Variants in BAP1 observed in about 807,000 individuals in gnomAD.
BAP1 encodes the protein BRCA1 associated deubiquitinase 1.
A neutral mutation model predicts 77.2 loss-of-function variants in BAP1; 16 were observed. The observed-to-expected ratio is 0.21, with a 90% confidence interval of 0.14 to 0.31. The LOEUF (loss-of-function observed/expected upper bound fraction) is 0.31. BAP1 is among the 10% of genes least tolerant of loss of function. BAP1 has a pLI of 1.00. For synonymous variants in BAP1, 362 were observed against 385.2 expected (o/e 0.94, Z 0.71); for missense variants, 699 against 967.3 (o/e 0.72, Z 3.68).
Position 52,402,978 on chromosome 3 carries a change from A to C in BAP1, c.1891-107T>G. The C allele has an allele frequency of 6.2e-7, 1 of 1,601,342 alleles. No homozygotes were observed. ...ATGAGCAGCGAGTCCATGCCTATCA[A>C]GGCCCCTGCCACCACCCAACCCAGA... On this transcript the variant is annotated intron_variant, in intron 14 of 16. Coordinates refer to ENST00000460680, the MANE Select transcript of BAP1 (RefSeq NM_004656.4). The surrounding 1 kb of genome is among the most constrained non-coding windows in gnomAD (Gnocchi z 5.3).
chr3:52,409,493 T>C (rs1329613195), intron 3 of BAP1, 61 bp downstream of exon 3: 1 of 1,604,470 alleles, frequency 6.2e-7, no homozygotes, highest in Non-Finnish European at 8.5e-7. Flanking sequence ...GGGGCCCTGT[T>C]CTCTGGGACC....
chr3:52,406,863 C>T lies in BAP1; in HGVS notation c.625G>A (p.Val209Ile), dbSNP rs1295632035. The T allele has an allele frequency of 6.4e-7, 1 of 1,566,016 alleles. No homozygotes were observed. The highest frequency in any genetic ancestry group is 8.7e-7 in the Non-Finnish European group (1 of 1,154,540). Residue 209 changes from valine to isoleucine, a missense_variant, in exon 8 of 17, where the codon GTC (valine) becomes ATC (isoleucine). Val to Ile is a conservative substitution (Grantham distance 29). Coordinates refer to ENST00000460680, the MANE Select transcript of BAP1 (RefSeq NM_004656.4). The surrounding 1 kb of genome is among the most constrained non-coding windows in gnomAD (Gnocchi z 4.6). ...DEEWTDKARR[V>I]IMERIGLATA... Reference sequence around the variant, plus strand: ...GCGAGGCCGATACGCTCCATGATGACCCGCCGGGCCTTGTCTGTCCACTCC... The same window carrying T: ...GCGAGGCCGATACGCTCCATGATGATCCGCCGGGCCTTGTCTGTCCACTCC...
intron 11 of BAP1, 130 bp from the exon 12 acceptor site, chr3:52,404,716 T>C (rs755307860): frequency 1.5e-6 from 2 of 1,364,818 alleles, no homozygotes; most frequent in South Asian, 1.3e-5. Flanking sequence ...AGCTGTTCCA[T>C]GGCCTGTCCT....
intron 12 of BAP1, 59 bp downstream of exon 12, chr3:52,404,394 A>T: frequency 6.2e-7 from 1 of 1,612,726 alleles, no homozygotes; most frequent in Non-Finnish European, 8.5e-7. Flanking sequence ...ACAGACTGAG[A>T]TATTCAGGAT....
rs944295907 is a variant in BAP1 at position 52,401,072 on chromosome 3, G to A, written c.*1216C>T. The A allele has an allele frequency of 2.2e-5, 5 of 232,392 alleles. No homozygotes were observed. Among genetic ancestry groups the A allele is most frequent in the Non-Finnish European group, 2.5e-5 (3 of 117,712 alleles). The allele number at this position is 232,392 out of a possible 1,614,324, so 14.4% of individuals were successfully genotyped here. A position where few individuals can be genotyped will look rare whatever the true frequency, so the allele number is the denominator to read the frequency against. ...GATCCAGTATTTACAGGGGCTAGAG[G>A]GGTCAAGCTGTGCTCAGCCCAGAGG... On this transcript the variant is annotated 3_prime_UTR_variant, in exon 17 of 17. Coordinates refer to ENST00000460680, the MANE Select transcript of BAP1 (RefSeq NM_004656.4).
chr3:52,404,229 C>T (rs965463883), intron 12 of BAP1, among the ~76,000 whole-genome samples: 1 of 152,220 alleles, frequency 6.6e-6, no homozygotes, highest in African/African-American at 2.4e-5. Flanking sequence ...AGGCCACTTC[C>T]AATAGGACAT....
rs1436004661 is a variant in BAP1 at position 52,402,752 on chromosome 3, G to C, written c.1983+27C>G. ...CACCAGTGGACCTCGGGAGAGGCCA[G>C]ATCAGGCAACTGGAGAAATCACCCA... On this transcript the variant is annotated intron_variant, in intron 15 of 16. Coordinates refer to ENST00000460680, the MANE Select transcript of BAP1 (RefSeq NM_004656.4). The surrounding 1 kb of genome is among the most constrained non-coding windows in gnomAD (Gnocchi z 5.3). 2.5e-6 allele frequency: 4 copies of C among 1,614,210 alleles called. No homozygotes were observed. The Admixed American group carries it at 6.7e-5, about 27-fold the overall frequency.
Position 52,406,978 on chromosome 3 carries a change from AAGAC to A in BAP1, c.581-75_581-72del, listed in dbSNP as rs1425538201. ...TTTGGGCAGGCCAGGAGTGGGAAGG[AAGAC>A]AGAGAAGAGCAGTTGAGCCAGGGAA... is the stretch of plus-strand genomic sequence containing the variant. On this transcript the variant is annotated intron_variant, in intron 7 of 16. Transcript: ENST00000460680. This position sits in a 1 kb window ranked among gnomAD's most constrained non-coding sequence, Gnocchi z 4.6. 1 of 1,513,426 alleles carries A rather than the reference AAGAC, an allele frequency of 6.6e-7. No individual in the cohort carries two copies. The highest frequency in any genetic ancestry group is 9.0e-7 in the Non-Finnish European group (1 of 1,111,312). The allele number at this position is 1,513,426 out of a possible 1,614,324, so 93.7% of individuals were successfully genotyped here.
In BAP1 at chr3:52,407,775, C is replaced by T. The variant is rs575225355; in HGVS notation, c.375+183G>A. On this transcript the variant is annotated intron_variant, in intron 5 of 16. Transcript: ENST00000460680. ...CCTCCCTAGGCCTGTGTCCTTTCCC[C>T]GCAACTGCATCTAAAAACAATGGCC... Among the ~76,000 whole-genome samples the T allele has an allele frequency of 7.2e-5, 11 of 152,280 alleles. No individual in the cohort carries two copies. In the South Asian group the frequency reaches 1.0e-3, roughly 14 times the overall value.
intron 10 of BAP1, chr3:52,405,521 A>AAC: frequency 4.2e-6 from 2 of 481,116 alleles, no homozygotes; most frequent in African/African-American, 2.3e-5. Flanking sequence ...AAAAAAAAAA[A>AAC]CCGCCTCTAG....
intron 11 of BAP1, 41 bp downstream of exon 11, chr3:52,405,069 A>G (rs754227880): frequency 6.2e-7 from 1 of 1,611,678 alleles, no homozygotes; most frequent in South Asian, 1.1e-5. Context: ...GCCTCTCAAG[A>G]GAATCAAGTA....
rs755502655 is a variant in BAP1, at chr3:52,405,175, T to A, written c.1051A>T (p.Thr351Ser). 6.2e-7 allele frequency: 1 copy of A among 1,613,944 alleles called. No individual in the cohort carries two copies. Among genetic ancestry groups the A allele is most frequent in the Admixed American group, 1.7e-5 (1 of 60,010 alleles). Residue 351 changes from threonine to serine, a missense_variant, in exon 11 of 17, where the codon ACT becomes TCT. Around this residue, in one of 3 missense-constraint regions of BAP1, gnomAD observed 475 missense variants for 532.4 expected, o/e 0.89. Transcript: ENST00000460680. ...GCCGGCAGCCGCTGGACAATGGGAG[T>A]GGGGTTGGGGTGAACCCCATTGAGG... ...SSLNGVHPNPTPIVQRLPAFL... is the reference protein window; with the variant it reads ...SSLNGVHPNPSPIVQRLPAFL...
Position 52,403,195 on chromosome 3 carries a change from C to G in BAP1, c.1833G>C (p.Glu611Asp), listed in dbSNP as rs771494475. The G allele has an allele frequency of 8.7e-6, 14 of 1,614,094 alleles. No homozygotes were observed. Among genetic ancestry groups the G allele is most frequent in the Non-Finnish European group, 1.2e-5 (14 of 1,180,054 alleles). The change falls in exon 14 of 17, where the codon GAG (glutamate) becomes GAC (aspartate). Residue 611 changes from glutamate to aspartate, a missense_variant. Around this residue, in one of 3 missense-constraint regions of BAP1, gnomAD observed 475 missense variants for 532.4 expected, o/e 0.89. Coordinates refer to ENST00000460680, the MANE Select transcript of BAP1 (RefSeq NM_004656.4). This position sits in a 1 kb window ranked among gnomAD's most constrained non-coding sequence, Gnocchi z 4.0. Reference protein sequence around the residue: ...KEVVEATDSREKTGMVRPGEP... With the variant: ...KEVVEATDSRDKTGMVRPGEP... ...CGCCAGGCCTCACCATCCCCGTCTT[C>G]TCTCTGCTGTCCGTGGCTTCCACGA...
At position 52,407,364 on chromosome 3, in the gene BAP1, C is replaced by T. The variant is rs776670315; in HGVS notation, c.437+35G>A. 3 of 1,614,072 alleles carry T rather than the reference C, an allele frequency of 1.9e-6. No individual in the cohort carries two copies. In the African/African-American group the frequency reaches 4.0e-5, roughly 22 times the overall value. On this transcript the variant is annotated intron_variant, in intron 6 of 16. Coordinates refer to ENST00000460680, the MANE Select transcript of BAP1 (RefSeq NM_004656.4). ...CCCAAAAAATGATACTCCCCCTACT[C>T]CCACCCCACATCAGCTCCCACAGCT...
rs1398226498 is a variant in BAP1 at position 52,406,482 on chromosome 3, G to C, written c.660-106C>G. ...CCCTGCAGTCACACCTGCAGCTGTA[G>C]GTATAGGCCCCACCCCAACAGGCAG... On this transcript the variant is annotated intron_variant, in intron 8 of 16. Coordinates refer to ENST00000460680, the MANE Select transcript of BAP1 (RefSeq NM_004656.4). The surrounding 1 kb of genome is among the most constrained non-coding windows in gnomAD (Gnocchi z 4.6). 7 of 1,546,600 alleles carry C rather than the reference G, an allele frequency of 4.5e-6. No individual in the cohort carries two copies. The East Asian group carries it at 6.9e-5, about 15-fold the overall frequency.
In BAP1 at chr3:52,405,230, G is replaced by C. The variant is rs374433572; in HGVS notation, c.996C>G (p.Pro332=). ...QAPSHSPPNK[P]KLVVKPPGSS... is the part of the protein sequence containing the mutation. ...TGCCTGGAGGCTTCACCACTAGCTT[G>C]GGTTTGTTGGGAGGGCTGTGGGATG... is the stretch of plus-strand genomic sequence containing the variant. Residue 332 remains proline (P), a synonymous_variant, in exon 11 of 17, where the codon CCC becomes CCG. Coordinates refer to ENST00000460680, the MANE Select transcript of BAP1 (RefSeq NM_004656.4). The C allele has an allele frequency of 2.5e-6, 4 of 1,614,096 alleles. No homozygotes were observed. Among genetic ancestry groups the C allele is most frequent in the Non-Finnish European group, 3.4e-6 (4 of 1,180,024 alleles).
At chr3:52,407,854 A>C (rs1705215175) in intron 5 of BAP1, 104 bp downstream of exon 5, 2 of 1,532,176 alleles carry the variant, frequency 1.3e-6, no homozygotes, top group Non-Finnish European at 1.8e-6. Context: ...TTGAAAAAGA[A>C]ACAGCCTAAT....
chr3:52,405,382 C>T, intron 10 of BAP1, 88 bp from the exon 11 acceptor site: 4 of 1,544,804 alleles, frequency 2.6e-6, no homozygotes, highest in East Asian at 2.3e-5. Context: ...ACCAGCACTT[C>T]CCAGAGAAGA....
In BAP1 at chr3:52,401,243, C is replaced by T. The variant is rs1704944093; in HGVS notation, c.*1045G>A. The T allele has an allele frequency of 4.3e-6, 1 of 233,114 alleles. No individual in the cohort carries two copies. Among genetic ancestry groups the T allele is most frequent in the East Asian group, 6.0e-5 (1 of 16,544 alleles). The allele number at this position is 233,114 out of a possible 1,614,324, so 14.4% of individuals were successfully genotyped here. On this transcript the variant is annotated 3_prime_UTR_variant, in exon 17 of 17. Transcript: ENST00000460680. ...TCCAGAGGCACTGCTGGGCCCATTACCCCTTGGCATCAGGTCCTCTGGAAC... is the reference window on the plus strand; with the variant it reads ...TCCAGAGGCACTGCTGGGCCCATTATCCCTTGGCATCAGGTCCTCTGGAAC...
Sources: gnomAD v4.1 joint callset for allele counts (sites outside exome capture counted in the v4.1 genomes callset) on GRCh38, gnomAD v4.1.1 for gene constraint, gnomAD v4.1.1 regional missense constraint, Gnocchi (gnomAD v3.1) non-coding constraint, MANE v1.5 for transcripts, NCBI Gene and HGNC (gene_info 2026-07-23, HGNC 2026-07-21) for gene names.